Variants in ELP6 observed in about 807,000 individuals in gnomAD.
ELP6 encodes the protein elongator acetyltransferase complex subunit 6, also known as elongator complex protein 6.
A neutral mutation model predicts 28.1 loss-of-function variants in ELP6; 23 were observed. That is an observed-to-expected ratio of 0.82 (90% CI 0.59 to 1.16). The LOEUF is 1.16. Ranked by LOEUF, ELP6 falls within the 50% of genes most tolerant of loss-of-function variation. The pLI, the probability that ELP6 is intolerant of heterozygous loss-of-function variation, is 0.00. For synonymous variants in ELP6, 132 were observed against 135.8 expected (o/e 0.97, Z 0.19); for missense variants, 313 against 334.6 (o/e 0.94, Z 0.50).
intron 3 of ELP6, among the ~76,000 whole-genome samples, chr3:47,509,772 T>TC (rs1708959495): frequency 6.6e-6 from 1 of 151,462 alleles, no homozygotes; most frequent in Non-Finnish European, 1.5e-5. Flanking sequence ...TCCCAAGATT[T>TC]CTTTTTTTTT....
At chr3:47,508,718 C>A (rs140323080) in intron 3 of ELP6, among the ~76,000 whole-genome samples, 1 of 145,894 alleles carries the variant, frequency 6.9e-6, no homozygotes, top group African/African-American at 2.5e-5. Context: ...TTATATCTTG[C>A]GGGGGCAGGG....
rs772901898 is a variant in ELP6, at chr3:47,498,371, A to G, written c.587T>C (p.Leu196Pro). 1.9e-6 allele frequency: 3 copies of G among 1,613,780 alleles called. No homozygotes were observed. Among genetic ancestry groups the G allele is most frequent in the Non-Finnish European group, 2.5e-6 (3 of 1,180,044 alleles). ...GDAEDEENDI[L>P]LNGLSHQSHL... ...GCTCTGATGACTGAGGCCATTCAGC[A>G]GGATGTCATTCTCCTCATCCTCCGC... Residue 196 changes from leucine to proline, a missense_variant, in exon 6 of 7, where the codon CTG becomes CCG. Leu to Pro is a moderately conservative substitution (Grantham distance 98). Coordinates refer to ENST00000296149, the MANE Select transcript of ELP6 (RefSeq NM_001031703.3).
rs1392407235 is a variant in ELP6 at position 47,513,671 on chromosome 3, C to T, written c.-81G>A. Reference sequence around the variant, plus strand: ...CGGAGGCTGGAGAGCAAAACACACCCGACAGCCCGGCTCGCGCAAGGAAGC... The same window carrying T: ...CGGAGGCTGGAGAGCAAAACACACCTGACAGCCCGGCTCGCGCAAGGAAGC... On this transcript the variant is annotated 5_prime_UTR_variant, in exon 1 of 7. Coordinates refer to ENST00000296149, the MANE Select transcript of ELP6 (RefSeq NM_001031703.3). 4 of 1,564,098 alleles carry T rather than the reference C, an allele frequency of 2.6e-6. No homozygotes were observed. Among genetic ancestry groups the T allele is most frequent in the Non-Finnish European group, 3.5e-6 (4 of 1,145,594 alleles).
At chr3:47,499,956 T>C (rs1051425707) in intron 5 of ELP6, 1 of 1,351,728 alleles carries the variant, frequency 7.4e-7, no homozygotes. Context: ...GTCCTGGTGG[T>C]GTCGGCCAAG....
chr3:47,498,735 A>G, intron 5 of ELP6: 1 of 985,052 alleles, frequency 1.0e-6, no homozygotes, highest in Non-Finnish European at 1.2e-6. Context: ...AAGTGTCACC[A>G]TCCTGCCAGG....
At chr3:47,504,124 C>G in intron 4 of ELP6, 1 of 587,260 alleles carries the variant, frequency 1.7e-6, no homozygotes, top group Non-Finnish European at 2.8e-6. Context: ...AAATGATCCT[C>G]TCTATAGCTT....
At chr3:47,506,964 G>A (rs1326805027) in intron 3 of ELP6, among the ~76,000 whole-genome samples, 1 of 151,988 alleles carries the variant, frequency 6.6e-6, no homozygotes, top group Non-Finnish European at 1.5e-5. Context: ...CTCCAAAAGT[G>A]CTGGGATTAC....
In ELP6 at chr3:47,513,678, C is replaced by A; in HGVS notation, c.-88G>T. 6.5e-7 allele frequency: 1 copy of A among 1,548,128 alleles called. No individual in the cohort carries two copies. The highest frequency in any genetic ancestry group is 8.8e-7 in the Non-Finnish European group (1 of 1,134,486). On this transcript the variant is annotated 5_prime_UTR_variant, in exon 1 of 7. Coordinates refer to ENST00000296149, the MANE Select transcript of ELP6 (RefSeq NM_001031703.3). ...TGGAGAGCAAAACACACCCGACAGC[C>A]CGGCTCGCGCAAGGAAGCGCGCATG...
At chr3:47,497,056 C>A (rs1318559835) in intron 6 of ELP6, 1 of 981,516 alleles carries the variant, frequency 1.0e-6, no homozygotes, top group Non-Finnish European at 1.2e-6. Flanking sequence ...ACCAGACTTG[C>A]CTCTGAAGGA....
In ELP6 at chr3:47,498,413, A is replaced by G; in HGVS notation, c.545T>C (p.Val182Ala). Reference protein sequence around the residue: ...WELKGNMVVLVHDSGDAEDEE... With the variant: ...WELKGNMVVLAHDSGDAEDEE... ...ATCCTCCGCATCTCCACTGTCGTGC[A>G]CAAGGACCACCATGTTTCCCTGCAT... is the stretch of plus-strand genomic sequence containing the variant. The change falls in exon 6 of 7, where the codon GTG becomes GCG. Residue 182 changes from valine to alanine, a missense_variant. Coordinates refer to ENST00000296149, the MANE Select transcript of ELP6 (RefSeq NM_001031703.3). The G allele has an allele frequency of 6.2e-7, 1 of 1,612,982 alleles. No individual in the cohort carries two copies. Among genetic ancestry groups the G allele is most frequent in the African/African-American group, 1.3e-5 (1 of 75,038 alleles).
chr3:47,511,828 C>T (rs1273963531), intron 1 of ELP6: 3 of 985,658 alleles, frequency 3.0e-6, no homozygotes, highest in African/African-American at 3.5e-5. Context: ...GCTCCATTCA[C>T]CTCTATTTCT....
At chr3:47,509,296 T>C (rs577525296) in intron 3 of ELP6, among the ~76,000 whole-genome samples, 22 of 152,014 alleles carry the variant, frequency 1.4e-4, no homozygotes, top group Non-Finnish European at 2.9e-4. Context: ...TGCTGAAGAG[T>C]AGCCCAGTTC....
In ELP6 at chr3:47,513,359, T is replaced by G. The variant is rs566800099; in HGVS notation, c.54+178A>C. ...ATGCGAGATGGCCCAGAAGCCCACT[T>G]TCGGCGGGCCCAAGCCTCCAGTCCA... On this transcript the variant is annotated intron_variant, in intron 1 of 6. Coordinates refer to ENST00000296149, the MANE Select transcript of ELP6 (RefSeq NM_001031703.3). 5.7e-6 allele frequency: 8 copies of G among 1,406,708 alleles called. No individual in the cohort carries two copies. The East Asian group carries it at 2.2e-4, about 39-fold the overall frequency. 87.1% of individuals were successfully genotyped at this position (1,406,708 alleles called of 1,614,324 possible).
At chr3:47,504,689 C>CA in intron 3 of ELP6, 2 of 976,088 alleles carry the variant, frequency 2.0e-6, no homozygotes, top group Non-Finnish European at 2.4e-6. Context: ...GGCATGGTGG[C>CA]ACATGCCTGG....
Position 47,511,214 on chromosome 3 carries a change from G to A in ELP6, c.67C>T (p.Leu23=). The A allele has an allele frequency of 6.2e-7, 1 of 1,614,112 alleles. No homozygotes were observed. Among genetic ancestry groups the A allele is most frequent in the Admixed American group, 1.7e-5 (1 of 60,006 alleles). The part of the protein sequence containing the change: ...PDRAEQGKLT[L]LCDAKTDGSF... ...CCATCTGTCTTGGCATCACAGAGTA[G>A]AGTCAGTTTCCCCTAAAAGTTACAA... is the stretch of plus-strand genomic sequence containing the variant. The change falls in exon 2 of 7, where the codon CTA becomes TTA. Residue 23 remains leucine (L), a synonymous_variant. Coordinates refer to ENST00000296149, the MANE Select transcript of ELP6 (RefSeq NM_001031703.3).
chr3:47,510,349 T>C lies in ELP6; in HGVS notation c.134-95A>G. On this transcript the variant is annotated intron_variant, in intron 2 of 6. Coordinates refer to ENST00000296149, the MANE Select transcript of ELP6 (RefSeq NM_001031703.3). ...GGAAAAAAAAGCACTGAGGCAAATC[T>C]AGAGACCCAGAGGCTTTGCAACCTG... The C allele has an allele frequency of 2.9e-6, 3 of 1,023,666 alleles. 1 individual carries two copies. Among genetic ancestry groups the C allele is most frequent in the Non-Finnish European group, 4.4e-6 (3 of 687,464 alleles). 63.4% of individuals were successfully genotyped at this position (1,023,666 alleles called of 1,614,324 possible).
chr3:47,497,588 C>T (rs980633299), intron 6 of ELP6, among the ~76,000 whole-genome samples: 1 of 151,846 alleles, frequency 6.6e-6, no homozygotes, highest in Non-Finnish European at 1.5e-5. Context: ...CAGCCCGCCT[C>T]AGCCTCCCAA....
chr3:47,508,718 C>T lies in ELP6; in HGVS notation c.204+1466G>A, dbSNP rs140323080. The stretch of plus-strand genomic sequence containing the variant: ...CTGGACTTGATTTGCTTATATCTTG[C>T]GGGGGCAGGGGTGGGGGAGTTGCAT... On this transcript the variant is annotated intron_variant, in intron 3 of 6. Transcript: ENST00000296149. Among the ~76,000 whole-genome samples, 19 of 145,938 alleles carry T rather than the reference C, an allele frequency of 1.3e-4. No individual in the cohort carries two copies. The East Asian group carries it at 1.4e-3, about 11-fold the overall frequency.
In ELP6 at chr3:47,498,283, T is replaced by C; in HGVS notation, c.672+3A>G. On this transcript the variant is annotated splice_donor_region_variant and intron_variant, in intron 6 of 6. Transcript: ENST00000296149. ...GCCTGTTGCCCAGGAGGCCCCTGCA[T>C]ACCTGCCCGTGCACATCCCTGCAGA... 6.2e-7 allele frequency: 1 copy of C among 1,613,196 alleles called. No homozygotes were observed. The highest frequency in any genetic ancestry group is 8.5e-7 in the Non-Finnish European group (1 of 1,180,002).
Sources: allele counts gnomAD v4.1 joint callset (sites outside exome capture counted in the v4.1 genomes callset), GRCh38; gene constraint gnomAD v4.1.1; transcripts MANE v1.5; gene names NCBI Gene and HGNC (gene_info 2026-07-23, HGNC 2026-07-21).